The following RHOBTB2 variants were observed in gnomAD, a reference collection of about 807,000 sequenced individuals.
RHOBTB2 encodes Rho related BTB domain containing 2, also known as rho-related BTB domain-containing protein 2.
A neutral mutation model predicts 66.5 loss-of-function variants in RHOBTB2; 39 were observed. The observed-to-expected ratio is 0.59, with a 90% confidence interval of 0.45 to 0.77. RHOBTB2 has a LOEUF of 0.77. RHOBTB2 is among the 30% of genes least tolerant of loss of function. The probability of loss-of-function intolerance (pLI) is 0.00; values close to 1 mark genes in which losing one functional copy is unlikely to be tolerated. For missense variants in RHOBTB2, 755 were observed against 999.1 expected (o/e 0.76, Z 3.29); for synonymous variants, 390 against 395.0 (o/e 0.99, Z 0.15).
chr8:23,001,845 GCT>G (rs1448853502), intron 1 of RHOBTB2, among the ~76,000 whole-genome samples: 6 of 152,216 alleles, frequency 3.9e-5, no homozygotes, highest in Non-Finnish European at 7.3e-5. Context: ...TGCTGAAGGG[GCT>G]GGGGAATGGA....
chr8:22,997,927 T>C (rs1810621650), upstream of RHOBTB2, among the ~76,000 whole-genome samples: 1 of 152,206 alleles, frequency 6.6e-6, no homozygotes, highest in African/African-American at 2.4e-5. Flanking sequence ...AGGAAGAACA[T>C]GTGTGAGCAT....
At chr8:22,966,940 C>T in the RHOBTB2 span, among the ~76,000 whole-genome samples, 1 of 152,124 alleles carries the variant, frequency 6.6e-6, no homozygotes, top group African/African-American at 2.4e-5. Context: ...TTAAAATACT[C>T]TGCACTACTG....
chr8:23,010,465 A>G, intron 6 of RHOBTB2, 73 bp from the exon 7 acceptor site: 1 of 1,530,178 alleles, frequency 6.5e-7, no homozygotes, highest in African/African-American at 1.4e-5. Flanking sequence ...AGAGCTCTTC[A>G]ATTTCTCAGG....
At chr8:23,001,900 A>G (rs1810797564) in intron 1 of RHOBTB2, among the ~76,000 whole-genome samples, 1 of 152,210 alleles carries the variant, frequency 6.6e-6, no homozygotes, top group Non-Finnish European at 1.5e-5. Context: ...GTCTAAACTC[A>G]TGGCACAGTA....
At chr8:22,959,398 C>A in the RHOBTB2 span, among the ~76,000 whole-genome samples, 1 of 152,122 alleles carries the variant, frequency 6.6e-6, no homozygotes, top group Non-Finnish European at 1.5e-5. Context: ...AGGTGCATGC[C>A]ACCATGCTCA....
chr8:23,019,014 A>T lies in RHOBTB2; in HGVS notation c.*1545A>T, dbSNP rs1308144657. On this transcript the variant is annotated 3_prime_UTR_variant, in exon 10 of 10. Transcript: ENST00000251822. ...TGCCCCTTTCCGTTTTCTAACCCCGACTCAGATTTCACCACCCACACTCTT... is the reference window on the plus strand; with the variant it reads ...TGCCCCTTTCCGTTTTCTAACCCCGTCTCAGATTTCACCACCCACACTCTT... 1.3e-5 allele frequency: 2 copies of T among 152,144 alleles called. No homozygotes were observed. The highest frequency in any genetic ancestry group is 4.8e-5 in the African/African-American group (2 of 41,376). The allele number at this position is 152,144 out of a possible 1,614,324, so 9.4% of individuals were successfully genotyped here.
chr8:22,986,167 TC>T (rs1810285149), upstream of RHOBTB2, among the ~76,000 whole-genome samples: 1 of 150,732 alleles, frequency 6.6e-6, no homozygotes, highest in Admixed American at 6.6e-5. Flanking sequence ...TCTCTCTCTC[TC>T]TTTCGTATTT....
the RHOBTB2 span, among the ~76,000 whole-genome samples, chr8:22,954,308 T>C: frequency 6.6e-6 from 1 of 151,838 alleles, no homozygotes; most frequent in Non-Finnish European, 1.5e-5. Flanking sequence ...ACCAGACAGG[T>C]TTTTTTTGTT....
chr8:22,955,899 G>C, the RHOBTB2 span, among the ~76,000 whole-genome samples: 1 of 151,878 alleles, frequency 6.6e-6, no homozygotes, highest in Non-Finnish European at 1.5e-5. Flanking sequence ...CCCACTCTGC[G>C]CTGGGTATAG....
In RHOBTB2 at chr8:23,006,536, A is replaced by T; in HGVS notation, c.483-192A>T. 1 of 620,786 alleles carries T rather than the reference A, an allele frequency of 1.6e-6. No individual in the cohort carries two copies. Among genetic ancestry groups the T allele is most frequent in the Non-Finnish European group, 2.8e-6 (1 of 356,130 alleles). The allele number at this position is 620,786 out of a possible 1,614,324, so 38.5% of individuals were successfully genotyped here. ...GTCACTGGGGCCTGGCATAGTAGGG[A>T]AAGCTTTCTGGAAGAAAAAGGGCTT... On this transcript the variant is annotated intron_variant, in intron 4 of 9. Transcript: ENST00000251822. This position sits in a 1 kb window ranked among gnomAD's most constrained non-coding sequence, Gnocchi z 6.1.
intron 1 of RHOBTB2, 132 bp downstream of exon 1, chr8:23,000,237 C>T (rs1323180336): frequency 5.6e-6 from 3 of 532,884 alleles, no homozygotes; most frequent in African/African-American, 4.1e-5. Flanking sequence ...GCTCTGGCTT[C>T]GGCTGCTGGG....
At position 23,010,719 on chromosome 8, in the gene RHOBTB2, C is replaced by T. The variant is rs185782865; in HGVS notation, c.1771+31C>T. ...TAAGCAGTGCACTCGGGGACCTCCC[C>T]GCGGCAGAGGCCAGGGAAACCCCAA... is the stretch of plus-strand genomic sequence containing the variant. On this transcript the variant is annotated intron_variant, in intron 7 of 9. Coordinates refer to ENST00000251822, the MANE Select transcript of RHOBTB2 (RefSeq NM_015178.3). 31 of 1,609,872 alleles carry T rather than the reference C, an allele frequency of 1.9e-5. 2 individuals carry two copies. The highest frequency in any genetic ancestry group is 1.5e-4 in the African/African-American group (11 of 74,992).
Position 23,004,050 on chromosome 8 carries a change from C to G in RHOBTB2, c.-10-375C>G. On this transcript the variant is annotated intron_variant, in intron 1 of 9. Coordinates refer to ENST00000251822, the MANE Select transcript of RHOBTB2 (RefSeq NM_015178.3). The surrounding 1 kb of genome is among the most constrained non-coding windows in gnomAD (Gnocchi z 6.4). ...TGTTTGTTGTTCTGCTGCCACTGCTCTGCCGGGGAAGGAGGAGGAGAGCAG... is the reference window on the plus strand; with the variant it reads ...TGTTTGTTGTTCTGCTGCCACTGCTGTGCCGGGGAAGGAGGAGGAGAGCAG... The G allele has an allele frequency of 3.2e-6, 1 of 316,180 alleles. No homozygotes were observed. Among genetic ancestry groups the G allele is most frequent in the South Asian group, 3.0e-5 (1 of 33,854 alleles). The allele number at this position is 316,180 out of a possible 1,614,324, so 19.6% of individuals were successfully genotyped here.
chr8:22,983,285 T>C (rs1033344873), upstream of RHOBTB2, among the ~76,000 whole-genome samples: 6 of 151,302 alleles, frequency 4.0e-5, no homozygotes, highest in Non-Finnish European at 5.9e-5. Flanking sequence ...TCTGCACTGA[T>C]GTGTGACACT....
the RHOBTB2 span, among the ~76,000 whole-genome samples, chr8:22,958,329 T>C: frequency 3.9e-5 from 6 of 152,270 alleles, no homozygotes; most frequent in African/African-American, 1.2e-4. Flanking sequence ...AAGTGAAGAC[T>C]GGAGGGGGTA....
At chr8:22,988,723 C>T (rs2128795684) in intron 1 of RHOBTB2, among the ~76,000 whole-genome samples, 1 of 152,312 alleles carries the variant, frequency 6.6e-6, no homozygotes, top group South Asian at 2.1e-4. Flanking sequence ...CTCCCCCACC[C>T]ACAACCCAGC....
chr8:22,994,613 C>A, upstream of RHOBTB2: 3 of 1,551,506 alleles, frequency 1.9e-6, no homozygotes, highest in Non-Finnish European at 2.6e-6. Flanking sequence ...GCCCCGATGG[C>A]CCCCAGAAGA....
the RHOBTB2 span, among the ~76,000 whole-genome samples, chr8:22,968,911 T>A: frequency 6.6e-6 from 1 of 151,192 alleles, no homozygotes; most frequent in Admixed American, 6.6e-5. Flanking sequence ...AAAAAGACAC[T>A]CTAAACAAAA....
chr8:23,016,878 G>A (rs1369534445), intron 9 of RHOBTB2, among the ~76,000 whole-genome samples: 4 of 152,056 alleles, frequency 2.6e-5, no homozygotes, highest in South Asian at 2.1e-4. Context: ...ATTCCCCCTC[G>A]GAACCTTAGC....
Sources: gnomAD v4.1 joint callset for allele counts (sites outside exome capture counted in the v4.1 genomes callset) on GRCh38, gnomAD v4.1.1 for gene constraint, Gnocchi (gnomAD v3.1) non-coding constraint, MANE v1.5 for transcripts, NCBI Gene and HGNC (gene_info 2026-07-23, HGNC 2026-07-21) for gene names.